LOC128462377: variants seen among roughly 807,000 people sequenced by gnomAD.
At chr16:89,358,746 T>C in the LOC128462377 span, among the ~76,000 whole-genome samples, 1 of 152,156 alleles carries the variant, frequency 6.6e-6, no homozygotes, top group Non-Finnish European at 1.5e-5. Flanking sequence ...CACCCAGCCC[T>C]AGATAACCCC....
the LOC128462377 span, among the ~76,000 whole-genome samples, chr16:89,403,386 A>T: frequency 6.6e-6 from 1 of 152,156 alleles, no homozygotes; most frequent in Non-Finnish European, 1.5e-5. Flanking sequence ...GTCTGAGGAT[A>T]GGAAGCAGCA....
chr16:89,351,619 C>T, the LOC128462377 span, among the ~76,000 whole-genome samples: 37 of 152,348 alleles, frequency 2.4e-4, 1 homozygote, highest in African/African-American at 8.7e-4. Context: ...GGCAATGCTG[C>T]TGTGGGCACT....
chr16:89,358,348 A>T, the LOC128462377 span, among the ~76,000 whole-genome samples: 4 of 152,250 alleles, frequency 2.6e-5, no homozygotes, highest in African/African-American at 9.6e-5. Flanking sequence ...CATCATCTAC[A>T]CAACAGCTTC....
At chr16:89,328,263 T>A in the LOC128462377 span, among the ~76,000 whole-genome samples, 1 of 152,174 alleles carries the variant, frequency 6.6e-6, no homozygotes, top group African/African-American at 2.4e-5. Context: ...CAAAGTGGTG[T>A]TGCTGCTCTG....
At chr16:89,372,160 C>A in the LOC128462377 span, among the ~76,000 whole-genome samples, 1 of 152,362 alleles carries the variant, frequency 6.6e-6, no homozygotes, top group South Asian at 2.1e-4. Flanking sequence ...GGAAGAAGGA[C>A]CGGCGCCCAC....
the LOC128462377 span, among the ~76,000 whole-genome samples, chr16:89,393,321 T>A: frequency 9.3e-3 from 1,406 of 150,418 alleles, 18 homozygotes; most frequent in African/African-American, 0.032. Context: ...TTTATTTTTT[T>A]TTTTTTTGAG....
At chr16:89,359,490 G>A in the LOC128462377 span, among the ~76,000 whole-genome samples, 7 of 152,204 alleles carry the variant, frequency 4.6e-5, no homozygotes, top group Non-Finnish European at 7.3e-5. Context: ...GCTTCGGGAT[G>A]CAGATGGCAG....
chr16:89,408,961 A>C, the LOC128462377 span, among the ~76,000 whole-genome samples: 1 of 152,198 alleles, frequency 6.6e-6, no homozygotes, highest in Non-Finnish European at 1.5e-5. Context: ...TGCGGTTTCT[A>C]AAAGTAGGAG....
chr16:89,345,300 C>T, the LOC128462377 span, among the ~76,000 whole-genome samples: 55 of 128,720 alleles, frequency 4.3e-4, no homozygotes, highest in Non-Finnish European at 7.3e-4. Flanking sequence ...TCACGACAAA[C>T]GGATGGAAAG....
chr16:89,407,871 A>G, the LOC128462377 span, among the ~76,000 whole-genome samples: 3,699 of 117,834 alleles, frequency 0.031, 113 homozygotes, highest in African/African-American at 0.084. Flanking sequence ...AAAAAAAAAA[A>G]AAGAAGAAGA....
the LOC128462377 span, among the ~76,000 whole-genome samples, chr16:89,414,971 G>T: frequency 1.3e-5 from 2 of 152,154 alleles, no homozygotes; most frequent in African/African-American, 4.8e-5. Flanking sequence ...TTGGGACAGG[G>T]TCTCACCCTG....
the LOC128462377 span, among the ~76,000 whole-genome samples, chr16:89,416,766 CAAAAAAA>C: frequency 4.7e-5 from 5 of 105,978 alleles, no homozygotes; most frequent in Non-Finnish European, 8.0e-5. Flanking sequence ...TCTGTTTCTA[CAAAAAAA>C]AAAAAAAAAT....
the LOC128462377 span, among the ~76,000 whole-genome samples, chr16:89,325,515 A>C: frequency 6.6e-6 from 1 of 152,104 alleles, no homozygotes; most frequent in African/African-American, 2.4e-5. Flanking sequence ...TGTTGGGGAC[A>C]AAATACATGA....
the LOC128462377 span, among the ~76,000 whole-genome samples, chr16:89,390,955 G>A: frequency 5.3e-5 from 8 of 152,282 alleles, no homozygotes; most frequent in East Asian, 1.9e-4. Flanking sequence ...CAGGCTGGGC[G>A]CCATGGCTCA....
chr16:89,374,630 G>A, the LOC128462377 span, among the ~76,000 whole-genome samples: 24 of 152,274 alleles, frequency 1.6e-4, no homozygotes, highest in African/African-American at 5.5e-4. Flanking sequence ...ACAGCTGCTC[G>A]GGCCATCTCC....
the LOC128462377 span, among the ~76,000 whole-genome samples, chr16:89,396,710 G>A: frequency 3.3e-5 from 5 of 152,012 alleles, no homozygotes; most frequent in Admixed American, 6.6e-5. Context: ...TTTTTGGGAC[G>A]GAGTTTTACT....
At chr16:89,337,064 C>A in the LOC128462377 span, among the ~76,000 whole-genome samples, 2 of 147,588 alleles carry the variant, frequency 1.4e-5, no homozygotes, top group Non-Finnish European at 1.5e-5. Context: ...TGCACACCTG[C>A]AGTCCCAGCT....
At chr16:89,373,428 A>G in the LOC128462377 span, 2 of 152,282 alleles carry the variant, frequency 1.3e-5, no homozygotes, top group Admixed American at 1.3e-4. Context: ...GAGCCAGGCC[A>G]CCCTCTCCAG....
At chr16:89,347,677 T>A in the LOC128462377 span, among the ~76,000 whole-genome samples, 2 of 152,070 alleles carry the variant, frequency 1.3e-5, no homozygotes, top group African/African-American at 4.8e-5. Flanking sequence ...CTATTTCTCC[T>A]TATCGGTTTT....
Sources: allele counts gnomAD v4.1 joint callset (sites outside exome capture counted in the v4.1 genomes callset), GRCh38; gene constraint gnomAD v4.1.1; transcripts MANE v1.5.